Variants in RNPC3 observed in about 807,000 individuals in gnomAD.
RNPC3 encodes RNA-binding region-containing protein 3.
A neutral mutation model predicts 67.5 loss-of-function variants in RNPC3; 48 were observed. The ratio of observed to expected loss-of-function variants is 0.71; its 90% CI spans 0.56 to 0.90. RNPC3 has a LOEUF of 0.90. Among genes scored for constraint, RNPC3 ranks in the 40% least tolerant of loss-of-function variants. The probability of loss-of-function intolerance (pLI) is 0.00; values close to 1 mark genes in which losing one functional copy is unlikely to be tolerated. For missense variants in RNPC3, 637 were observed against 626.1 expected, an observed-to-expected ratio of 1.02 and a Z score of -0.19; for synonymous variants, 239 against 210.3, an observed-to-expected ratio of 1.14 and a Z score of -1.18.
chr1:103,536,113 T>G lies in RNPC3; in HGVS notation c.556-13T>G. 1 of 1,524,346 alleles carries G rather than the reference T, an allele frequency of 6.6e-7. No individual in the cohort carries two copies. The highest frequency in any genetic ancestry group is 8.8e-7 in the Non-Finnish European group (1 of 1,135,564). The allele number at this position is 1,524,346 out of a possible 1,614,324, so 94.4% of individuals were successfully genotyped here. ...CATTTTATATGTGAATTTAAATGTCTTACCACTTTAAGGTCCTTCATCTTA... is the reference window on the plus strand; with the variant it reads ...CATTTTATATGTGAATTTAAATGTCGTACCACTTTAAGGTCCTTCATCTTA... On this transcript the variant is annotated splice_polypyrimidine_tract_variant and intron_variant, in intron 5 of 14. Coordinates refer to ENST00000423855, the MANE Select transcript of RNPC3 (RefSeq NM_017619.4).
intron 7 of RNPC3, among the ~76,000 whole-genome samples, chr1:103,539,607 A>C (rs1471698633): frequency 6.6e-6 from 1 of 152,160 alleles, no homozygotes; most frequent in Non-Finnish European, 1.5e-5. Flanking sequence ...CCATTAAAGG[A>C]TGTAGTGAGG....
At chr1:103,535,110 A>G (rs1650949051) in intron 4 of RNPC3, among the ~76,000 whole-genome samples, 1 of 152,030 alleles carries the variant, frequency 6.6e-6, no homozygotes, top group South Asian at 2.1e-4. Context: ...CAGTGCAGAT[A>G]AAGCATCTAT....
intron 14 of RNPC3, chr1:103,553,208 T>C (rs1427074897): frequency 6.6e-6 from 1 of 152,246 alleles, no homozygotes; most frequent in Admixed American, 6.5e-5. Context: ...TTAAACATCA[T>C]TTATTTTAAA....
rs1400216504 is a variant in RNPC3, at chr1:103,537,477, C to T, written c.760C>T (p.Arg254Ter). Residue 254 changes from arginine (R) to a stop codon, truncating the protein, a stop_gained, in exon 7 of 15, where the codon CGA (arginine) becomes TGA (stop). Transcript: ENST00000423855. LOFTEE classifies it high-confidence loss of function. ...ATATGAAAGCACTGATGATGAGGAC[C>T]GACAGAGGTTTGTAACATGAAAAAT... Reference protein sequence around the residue: ...SEYESTDDEDRQRMNKLMELA... With the variant: ...SEYESTDDED 1.0e-5 allele frequency: 16 copies of T among 1,533,396 alleles called. No individual in the cohort carries two copies. The highest frequency in any genetic ancestry group is 1.2e-5 in the Non-Finnish European group (14 of 1,145,616). The allele number at this position is 1,533,396 out of a possible 1,614,324, so 95.0% of individuals were successfully genotyped here.
At chr1:103,549,827 G>A (rs1170978556) in intron 12 of RNPC3, among the ~76,000 whole-genome samples, 1 of 152,074 alleles carries the variant, frequency 6.6e-6, no homozygotes, top group Admixed American at 6.6e-5. Flanking sequence ...AATCATTGAG[G>A]TTCCTTTCTA....
chr1:103,546,697 T>C (rs906330654), intron 11 of RNPC3: 2 of 364,892 alleles, frequency 5.5e-6, no homozygotes, highest in Admixed American at 4.6e-5. Flanking sequence ...GGATCTGTTC[T>C]GTGCCTCTCC....
At chr1:103,526,522 A>G (rs183922260) in intron 1 of RNPC3, among the ~76,000 whole-genome samples, 1 of 152,314 alleles carries the variant, frequency 6.6e-6, no homozygotes, top group Admixed American at 6.5e-5. Flanking sequence ...TAGCTTAGTT[A>G]TATTGAGTTT....
chr1:103,527,795 C>G, intron 2 of RNPC3, 53 bp downstream of exon 2: 1 of 1,300,324 alleles, frequency 7.7e-7, no homozygotes, highest in Non-Finnish European at 1.1e-6. Context: ...CTTATACAAT[C>G]TTGGTTCAGA....
Position 103,550,952 on chromosome 1 carries a change from G to T in RNPC3, c.1373G>T (p.Arg458Leu), listed in dbSNP as rs774041757. 8.1e-6 allele frequency: 13 copies of T among 1,610,830 alleles called. No homozygotes were observed. Among genetic ancestry groups the T allele is most frequent in the Non-Finnish European group, 1.1e-5 (13 of 1,179,380 alleles). ...TTTCTTCCTTCTAGGTTTGATATAC[G>T]TTTGATGAAAGAAGGTCGTATGAAA... Reference protein sequence around the residue: ...SETQRIMFDIRLMKEGRMKGQ... With the variant: ...SETQRIMFDILLMKEGRMKGQ... Residue 458 changes from arginine (R) to leucine (L), a missense_variant, in exon 13 of 15, where the codon CGT becomes CTT. Arg to Leu is a moderately radical substitution (Grantham distance 102, BLOSUM62 -2). Around this residue, in one of 3 missense-constraint regions of RNPC3, gnomAD observed 96 missense variants for 105.8 expected, o/e 0.91. Coordinates refer to ENST00000423855, the MANE Select transcript of RNPC3 (RefSeq NM_017619.4).
intron 10 of RNPC3, 63 bp downstream of exon 10, chr1:103,545,165 A>T: frequency 7.6e-7 from 1 of 1,320,404 alleles, no homozygotes; most frequent in Non-Finnish European, 1.0e-6. Context: ...CTATAGAAAC[A>T]AAACAAATCT....
intron 12 of RNPC3, among the ~76,000 whole-genome samples, chr1:103,550,529 T>A (rs1406817449): frequency 2.7e-5 from 4 of 150,862 alleles, no homozygotes; most frequent in African/African-American, 9.8e-5. Flanking sequence ...GAGCCCCAGC[T>A]ACTTGGGAAG....
intron 2 of RNPC3, among the ~76,000 whole-genome samples, chr1:103,532,983 C>A (rs971084612): frequency 3.9e-5 from 6 of 151,968 alleles, no homozygotes; most frequent in Non-Finnish European, 8.8e-5. Flanking sequence ...GAAATAGGAG[C>A]ATGTTTTCAT....
intron 7 of RNPC3, among the ~76,000 whole-genome samples, chr1:103,538,238 CAA>C (rs896228148): frequency 1.7e-4 from 26 of 152,162 alleles, no homozygotes; most frequent in African/African-American, 5.8e-4. Context: ...GAGATGAAGT[CAA>C]ATAAAGACAC....
chr1:103,529,802 C>A (rs146171109), intron 2 of RNPC3, among the ~76,000 whole-genome samples: 2 of 152,158 alleles, frequency 1.3e-5, no homozygotes, highest in Admixed American at 6.5e-5. Context: ...TACCCAGCCA[C>A]GGCCTGGTAC....
chr1:103,552,064 G>T (rs566047793), intron 14 of RNPC3: 1 of 235,088 alleles, frequency 4.3e-6, no homozygotes, highest in African/African-American at 2.3e-5. Context: ...TAAAGCAATG[G>T]TTCTTAAACC....
At chr1:103,532,921 T>C (rs985071464) in intron 2 of RNPC3, among the ~76,000 whole-genome samples, 3 of 152,030 alleles carry the variant, frequency 2.0e-5, no homozygotes, top group African/African-American at 4.8e-5. Context: ...AGGGTTTAGA[T>C]AGCTTGTACA....
chr1:103,546,058 A>G (rs1651236274), intron 10 of RNPC3, 190 bp from the exon 11 acceptor site: 3 of 292,888 alleles, frequency 1.0e-5, no homozygotes, highest in Non-Finnish European at 1.2e-5. Flanking sequence ...TACTAATTTT[A>G]TGTAATATTG....
At chr1:103,530,041 C>T (rs1223844981) in intron 2 of RNPC3, among the ~76,000 whole-genome samples, 2 of 151,384 alleles carry the variant, frequency 1.3e-5, no homozygotes, top group Admixed American at 1.3e-4. Flanking sequence ...AGTTTCATCT[C>T]GAAACCATCT....
chr1:103,537,434 A>T lies in RNPC3; in HGVS notation c.717A>T (p.Leu239Phe). The T allele has an allele frequency of 1.3e-6, 2 of 1,536,846 alleles. No individual in the cohort carries two copies. ...CTTTGCCAGACGAGGATGAGGAATT[A>T]TCTAGTGAAGAATCAGAATATGAAA... The part of the protein sequence containing the change: ...EPPLPDEDEE[L>F]SSEESEYEST... Residue 239 changes from leucine (L) to phenylalanine (F), a missense_variant, in exon 7 of 15, where the codon TTA becomes TTT. This residue lies in a region of RNPC3 where 536 missense variants were observed against 500.3 expected (regional missense o/e 1.07). Transcript: ENST00000423855.
Sources: gnomAD v4.1 joint callset for allele counts (sites outside exome capture counted in the v4.1 genomes callset) on GRCh38, gnomAD v4.1.1 for gene constraint, gnomAD v4.1.1 regional missense constraint, MANE v1.5 for transcripts, NCBI Gene and HGNC (gene_info 2026-07-23, HGNC 2026-07-21) for gene names.